ING5: variants seen among roughly 807,000 people sequenced by gnomAD.
ING5 encodes inhibitor of growth protein 5.
Under a neutral mutation model 37.4 loss-of-function variants are expected in ING5, and 17 were observed. The ratio of observed to expected loss-of-function variants is 0.45; its 90% CI spans 0.31 to 0.68. The LOEUF (loss-of-function observed/expected upper bound fraction) is 0.68, where lower values mean the gene tolerates loss of function less well. ING5 is among the 30% of genes least tolerant of loss of function. The pLI is 0.05. For synonymous variants in ING5, 123 were observed against 116.6 expected, an observed-to-expected ratio of 1.06 and a Z score of -0.36; for missense variants, 233 against 311.9, an observed-to-expected ratio of 0.75 and a Z score of 1.91.
At chr2:241,714,621 A>G (rs2070211903) in intron 5 of ING5, among the ~76,000 whole-genome samples, 2 of 149,634 alleles carry the variant, frequency 1.3e-5, no homozygotes, top group Admixed American at 6.7e-5. Flanking sequence ...CCCTGAGGGC[A>G]GGGTCTAGCT....
At chr2:241,724,804 A>G (rs1041650807) in intron 7 of ING5, 185 bp from the exon 8 acceptor site, 13 of 611,326 alleles carry the variant, frequency 2.1e-5, no homozygotes, top group Non-Finnish European at 3.5e-5. Context: ...GGCGTCCTGC[A>G]TAGAGCCGCA....
chr2:241,705,362 G>A (rs1233273653), intron 2 of ING5, among the ~76,000 whole-genome samples: 1 of 150,428 alleles, frequency 6.6e-6, no homozygotes, highest in African/African-American at 2.4e-5. Flanking sequence ...ACAAGCGTGA[G>A]CCACCTCGCC....
chr2:241,715,959 A>G (rs145143038), intron 5 of ING5, among the ~76,000 whole-genome samples: 14,330 of 147,334 alleles, frequency 0.097, 691 homozygotes, highest in South Asian at 0.14. Flanking sequence ...AAGCCAGCTA[A>G]TTTTTGTATT....
chr2:241,688,717 G>A (rs1440383133), intron 1 of ING5, among the ~76,000 whole-genome samples: 7 of 152,086 alleles, frequency 4.6e-5, no homozygotes, highest in African/African-American at 1.7e-4. Flanking sequence ...TCCACCTCCC[G>A]GGTTCAAGCT....
Position 241,712,000 on chromosome 2 carries a change from A to T in ING5, c.411A>T (p.Lys137Asn). ...CAGAAGGCCGGGGTCAGAAAGAAAA[A>T]AGAGGGTCCCGGGGCCGAGGCAGGA... ...GLKKGRGQKE[K>N]RGSRGRGRRT... is the part of the protein sequence containing the mutation. Residue 137 changes from lysine (K) to asparagine (N), a missense_variant, in exon 5 of 8, where the codon AAA (lysine) becomes AAT (asparagine). Around this residue, in one of 4 missense-constraint regions of ING5, gnomAD observed 76 missense variants for 68.2 expected, o/e 1.11. Coordinates refer to ENST00000313552, the MANE Select transcript of ING5 (RefSeq NM_032329.6). 1 of 1,609,864 alleles carries T rather than the reference A, an allele frequency of 6.2e-7. No homozygotes were observed. The highest frequency in any genetic ancestry group is 8.5e-7 in the Non-Finnish European group (1 of 1,178,598).
At chr2:241,703,897 C>T (rs369011532) in intron 1 of ING5, among the ~76,000 whole-genome samples, 24 of 152,218 alleles carry the variant, frequency 1.6e-4, no homozygotes, top group South Asian at 1.2e-3. Flanking sequence ...TGAGCCACCA[C>T]GCCCATCCGA....
In ING5 at chr2:241,706,043, C is replaced by T. The variant is rs573714852; in HGVS notation, c.109+1319C>T. 2.7e-4 allele frequency among the ~76,000 whole-genome samples: 41 copies of T among 152,048 alleles called. 1 individual carries two copies. The highest frequency in any genetic ancestry group is 8.7e-4 in the African/African-American group (36 of 41,368). ...GTTTGTTGGCTTTGTTTTCTGCATT[C>T]GACCCTTGTCTCCCCAGCTGGGCTT... On this transcript the variant is annotated intron_variant, in intron 2 of 7. Coordinates refer to ENST00000313552, the MANE Select transcript of ING5 (RefSeq NM_032329.6).
intron 3 of ING5, 80 bp from the exon 4 acceptor site, chr2:241,711,297 T>C: frequency 1.0e-6 from 1 of 975,498 alleles, no homozygotes; most frequent in Non-Finnish European, 1.5e-6. Flanking sequence ...AGGTGTTTCC[T>C]GGTGGATACT....
exon 1 of ING5, chr2:241,687,292 C>G (rs2069452267): frequency 2.5e-6 from 1 of 398,412 alleles, no homozygotes; most frequent in Non-Finnish European, 4.4e-6. Context: ...GAGCGAGATG[C>G]TTCCCGAAGC....
chr2:241,720,551 G>T, intron 5 of ING5: 1 of 988,418 alleles, frequency 1.0e-6, no homozygotes, highest in Non-Finnish European at 1.2e-6. Context: ...ACCTGTGTGT[G>T]TGGATGAAGG....
chr2:241,721,519 C>T (rs1439123243), intron 5 of ING5: 28 of 985,290 alleles, frequency 2.8e-5, no homozygotes, highest in East Asian at 2.3e-4. Flanking sequence ...ATTGCAAAGG[C>T]GTAGAAAAGC....
At chr2:241,717,138 G>A (rs2070296510) in intron 5 of ING5, among the ~76,000 whole-genome samples, 1 of 150,920 alleles carries the variant, frequency 6.6e-6, no homozygotes, top group African/African-American at 2.4e-5. Flanking sequence ...GCAGTGGTGC[G>A]ATCTCAGCTC....
chr2:241,698,124 T>C (rs1403954374), upstream of ING5, among the ~76,000 whole-genome samples: 3 of 145,170 alleles, frequency 2.1e-5, no homozygotes, highest in Non-Finnish European at 4.5e-5. Flanking sequence ...TGAACCCTTA[T>C]GGAAATAATG....
intron 5 of ING5, among the ~76,000 whole-genome samples, chr2:241,715,844 C>T (rs1278032240): frequency 6.6e-6 from 1 of 150,808 alleles, no homozygotes; most frequent in Non-Finnish European, 1.5e-5. Context: ...AAGTATGTGT[C>T]TCAATTTCCA....
chr2:241,723,626 C>A (rs771872484), intron 7 of ING5, among the ~76,000 whole-genome samples: 2 of 152,228 alleles, frequency 1.3e-5, no homozygotes, highest in Non-Finnish European at 2.9e-5. Context: ...AGGTTCTTGT[C>A]CCCTAGGGAA....
At chr2:241,699,765 C>T (rs2069685388), upstream of ING5, among the ~76,000 whole-genome samples, 1 of 151,802 alleles carries the variant, frequency 6.6e-6, no homozygotes, top group South Asian at 2.1e-4. Flanking sequence ...TTTGGGACGT[C>T]CTCTTGAGAT....
intron 2 of ING5, among the ~76,000 whole-genome samples, chr2:241,705,974 CT>C (rs1382523435): frequency 2.6e-5 from 4 of 152,240 alleles, no homozygotes; most frequent in South Asian, 4.1e-4. Context: ...TATATGACCT[CT>C]TTGGAATAAC....
intron 5 of ING5, among the ~76,000 whole-genome samples, chr2:241,718,946 T>C (rs1247726595): frequency 2.0e-5 from 3 of 152,212 alleles, no homozygotes; most frequent in Non-Finnish European, 4.4e-5. Flanking sequence ...TTATTAGCTG[T>C]CTGACTTTAG....
intron 5 of ING5, among the ~76,000 whole-genome samples, chr2:241,715,235 C>G: frequency 6.6e-6 from 1 of 152,036 alleles, no homozygotes; most frequent in Non-Finnish European, 1.5e-5. Context: ...CACTCTGTCA[C>G]CCAGGCTGGA....
Sources: gnomAD v4.1 joint callset for allele counts (sites outside exome capture counted in the v4.1 genomes callset) on GRCh38, gnomAD v4.1.1 for gene constraint, gnomAD v4.1.1 regional missense constraint, MANE v1.5 for transcripts, NCBI Gene and HGNC (gene_info 2026-07-23, HGNC 2026-07-21) for gene names.